Variants in VPS13B observed in about 807,000 individuals in gnomAD.
The protein encoded by VPS13B is vacuolar protein sorting 13 homolog B.
VPS13B carries 285 observed loss-of-function variants against 426.4 expected under a neutral mutation model. The ratio of observed to expected loss-of-function variants is 0.67; its 90% CI spans 0.61 to 0.74. VPS13B has a LOEUF of 0.74. VPS13B is among the 30% of genes least tolerant of loss of function. The pLI, the probability that VPS13B is intolerant of heterozygous loss-of-function variation, is 0.00. For missense variants in VPS13B, 4,537 were observed against 4,782.6 expected, an observed-to-expected ratio of 0.95 and a Z score of 1.51; for synonymous variants, 1,676 against 1,676.4, an observed-to-expected ratio of 1.00 and a Z score of 0.01.
At chr8:99,172,110 A>C (rs1812373853) in intron 16 of VPS13B, among the ~76,000 whole-genome samples, 1 of 152,148 alleles carries the variant, frequency 6.6e-6, no homozygotes, top group African/African-American at 2.4e-5. Flanking sequence ...TGAACACTTA[A>C]AGATAGTTAA....
At chr8:99,841,665 C>T (rs1311141420) in intron 54 of VPS13B, among the ~76,000 whole-genome samples, 1 of 152,162 alleles carries the variant, frequency 6.6e-6, no homozygotes, top group Non-Finnish European at 1.5e-5. Context: ...TACCTTCTGC[C>T]TACTGCTTCT....
chr8:99,048,826 AG>A (rs1305018476), intron 3 of VPS13B, among the ~76,000 whole-genome samples: 1 of 151,194 alleles, frequency 6.6e-6, no homozygotes, highest in Non-Finnish European at 1.5e-5. Flanking sequence ...AAAAAAAAAA[AG>A]AAAATTTGGG....
chr8:99,186,309 T>C (rs565300464), intron 16 of VPS13B, among the ~76,000 whole-genome samples: 1 of 152,230 alleles, frequency 6.6e-6, no homozygotes, highest in Admixed American at 6.5e-5. Context: ...AAATATGTAG[T>C]AGTCTAAATC....
At chr8:99,476,269 AT>A (rs1819682595) in intron 24 of VPS13B, among the ~76,000 whole-genome samples, 1 of 152,190 alleles carries the variant, frequency 6.6e-6, no homozygotes. Context: ...ACTCTTTGAT[AT>A]CTTCAAGTGA....
At chr8:99,297,951 G>A (rs1026517927) in intron 19 of VPS13B, among the ~76,000 whole-genome samples, 1 of 152,202 alleles carries the variant, frequency 6.6e-6, no homozygotes, top group African/African-American at 2.4e-5. Context: ...TGGATATTGG[G>A]ATTTTTCTAA....
At chr8:99,375,750 T>C (rs985876465) in intron 19 of VPS13B, among the ~76,000 whole-genome samples, 2 of 152,234 alleles carry the variant, frequency 1.3e-5, no homozygotes, top group Admixed American at 6.5e-5. Context: ...AGCACATAAT[T>C]TCTTAGGAGC....
intron 17 of VPS13B, among the ~76,000 whole-genome samples, chr8:99,237,091 T>C (rs1366167207): frequency 6.6e-6 from 1 of 152,184 alleles, no homozygotes; most frequent in Non-Finnish European, 1.5e-5. Flanking sequence ...CCATGTAAGA[T>C]GTGACTTGCT....
At chr8:99,411,323 C>CT (rs760885624) in intron 21 of VPS13B, among the ~76,000 whole-genome samples, 31 of 152,304 alleles carry the variant, frequency 2.0e-4, no homozygotes, top group Middle Eastern at 6.8e-3. Flanking sequence ...TGATGATGAG[C>CT]TTTTATTCAT....
rs367865546 is a variant in VPS13B at position 99,786,673 on chromosome 8, T to G, written c.7941+2197T>G. On this transcript the variant is annotated intron_variant, in intron 43 of 61. Coordinates refer to ENST00000357162, the MANE Select transcript of VPS13B (RefSeq NM_152564.5). ...AACTTTGTTTTTTCTTTTAAATTTG[T>G]AACTGCATCTTGTGGATGCAACTTT... Among the ~76,000 whole-genome samples, 9 of 152,204 alleles carry G rather than the reference T, an allele frequency of 5.9e-5. No individual in the cohort carries two copies. The East Asian group carries it at 1.3e-3, about 23-fold the overall frequency.
chr8:99,095,588 G>A (rs569378966), intron 3 of VPS13B, among the ~76,000 whole-genome samples: 1 of 152,244 alleles, frequency 6.6e-6, no homozygotes, highest in East Asian at 1.9e-4. Context: ...AGATTCTGAA[G>A]TCCCTAAGGA....
rs146475623 is a variant in VPS13B at position 99,096,468 on chromosome 8, A to G, written c.412+36A>G. ...ATGGGATCAATAAAACCAAATTTCA[A>G]TTTTTGGCCGGGCATGGTGGCTCAT... is the stretch of plus-strand genomic sequence containing the variant. On this transcript the variant is annotated intron_variant, in intron 4 of 61. Transcript: ENST00000357162. 650 of 1,612,196 alleles carry G rather than the reference A, an allele frequency of 4.0e-4. 11 individuals are homozygous for G. The Admixed American group carries it at 0.01, about 25-fold the overall frequency.
At chr8:99,095,421 A>G (rs1217837804) in intron 3 of VPS13B, among the ~76,000 whole-genome samples, 1 of 152,134 alleles carries the variant, frequency 6.6e-6, no homozygotes, top group Non-Finnish European at 1.5e-5. Context: ...ATTTAGCCCC[A>G]GTCTAAACCT....
chr8:99,349,140 C>T (rs920903646), intron 19 of VPS13B, among the ~76,000 whole-genome samples: 2 of 150,130 alleles, frequency 1.3e-5, no homozygotes, highest in Admixed American at 1.3e-4. Flanking sequence ...GAGACCATCC[C>T]GGCTAAAACG....
At chr8:99,681,959 C>G (rs1831171149) in intron 35 of VPS13B, among the ~76,000 whole-genome samples, 1 of 152,120 alleles carries the variant, frequency 6.6e-6, no homozygotes, top group Admixed American at 6.6e-5. Context: ...ACCAGCACCA[C>G]AAAAAGTTAA....
At chr8:99,739,145 G>C (rs1489393782) in intron 39 of VPS13B, among the ~76,000 whole-genome samples, 1 of 152,242 alleles carries the variant, frequency 6.6e-6, no homozygotes, top group African/African-American at 2.4e-5. Context: ...CTTTTCCAAT[G>C]GTCTTAGCAA....
chr8:99,712,597 C>T (rs1832747823), intron 36 of VPS13B, among the ~76,000 whole-genome samples: 1 of 152,058 alleles, frequency 6.6e-6, no homozygotes, highest in Admixed American at 6.6e-5. Context: ...CTCTTTAGTG[C>T]TCACCTAAGT....
intron 3 of VPS13B, among the ~76,000 whole-genome samples, chr8:99,061,773 G>T (rs951525939): frequency 2.0e-5 from 3 of 152,052 alleles, no homozygotes; most frequent in African/African-American, 7.2e-5. Flanking sequence ...ATGACAGTAT[G>T]CTCCTCTTCA....
intron 29 of VPS13B, among the ~76,000 whole-genome samples, chr8:99,515,158 AG>A (rs1181926341): frequency 1.3e-5 from 2 of 152,222 alleles, no homozygotes; most frequent in African/African-American, 2.4e-5. Context: ...AAGAAAGAAG[AG>A]GAAAAAAAAG....
chr8:99,531,446 A>G (rs1822930690), intron 30 of VPS13B, among the ~76,000 whole-genome samples: 1 of 152,162 alleles, frequency 6.6e-6, no homozygotes, highest in Non-Finnish European at 1.5e-5. Context: ...TCATTATAAA[A>G]CAGAAGTGTT....
Sources: gnomAD v4.1 joint callset for allele counts (sites outside exome capture counted in the v4.1 genomes callset) on GRCh38, gnomAD v4.1.1 for gene constraint, MANE v1.5 for transcripts, NCBI Gene and HGNC (gene_info 2026-07-23, HGNC 2026-07-21) for gene names.